Variants in IGSF9 observed in about 807,000 individuals in gnomAD.
IGSF9 encodes immunoglobulin superfamily member 9, also known as protein turtle homolog A.
Under a neutral mutation model 121.7 loss-of-function variants are expected in IGSF9, and 87 were observed. The observed-to-expected ratio is 0.71, with a 90% CI of 0.60 to 0.85. The LOEUF is 0.85. IGSF9 is among the 40% of genes least tolerant of loss of function. The pLI is 0.00. For synonymous variants in IGSF9, 640 were observed against 648.4 expected (o/e 0.99, Z 0.20); for missense variants, 1,462 against 1,565.3 (o/e 0.93, Z 1.11).
intron 17 of IGSF9, 33 bp downstream of exon 17, chr1:159,929,605 C>T (rs1283477382): frequency 3.8e-6 from 6 of 1,576,808 alleles, no homozygotes; most frequent in South Asian, 1.2e-5. Context: ...GGCCCAAGTG[C>T]GCAGTAGCAG....
chr1:159,940,372 G>A (rs755885325), intron 3 of IGSF9, among the ~76,000 whole-genome samples: 2 of 152,222 alleles, frequency 1.3e-5, no homozygotes, highest in Non-Finnish European at 2.9e-5. Flanking sequence ...GACCTGTAGT[G>A]TTACAGAACA....
intron 20 of IGSF9, 49 bp from the exon 21 acceptor site, chr1:159,927,575 G>A: frequency 6.3e-7 from 1 of 1,585,896 alleles, no homozygotes; most frequent in South Asian, 1.1e-5. Flanking sequence ...GGTTCACTGA[G>A]TGAAGAGCTC....
chr1:159,931,595 C>A lies in IGSF9; in HGVS notation c.1371G>T (p.Arg457=). 2 of 1,613,838 alleles carry A rather than the reference C, an allele frequency of 1.2e-6. No homozygotes were observed. The highest frequency in any genetic ancestry group is 1.7e-6 in the Non-Finnish European group (2 of 1,179,948). ...PPVVSWTKVG[R]GLQGQAQVDS... is the part of the protein sequence containing the mutation. ...CCACCTGGGCCTGGCCTTGCAGCCCCCGGCCCACCTACAGAACCACTGGTG... is the reference window on the plus strand; with the variant it reads ...CCACCTGGGCCTGGCCTTGCAGCCCACGGCCCACCTACAGAACCACTGGTG... The change falls in exon 12 of 21, where the codon CGG becomes CGT. Residue 457 remains arginine, a synonymous_variant. Transcript: ENST00000368094. This position sits in a 1 kb window ranked among gnomAD's most constrained non-coding sequence, Gnocchi z 4.8.
At chr1:159,938,708 C>T (rs1043660670) in intron 3 of IGSF9, among the ~76,000 whole-genome samples, 3 of 152,210 alleles carry the variant, frequency 2.0e-5, no homozygotes, top group African/African-American at 7.2e-5. Flanking sequence ...CGACTGTGTA[C>T]TCTTTTGGGC....
At position 159,929,411 on chromosome 1, in the gene IGSF9, T is replaced by C. The variant is rs1438845381; in HGVS notation, c.2327-18A>G. On this transcript the variant is annotated intron_variant, in intron 17 of 20. Coordinates refer to ENST00000368094, the MANE Select transcript of IGSF9 (RefSeq NM_001135050.2). Reference sequence around the variant, plus strand: ...AGGTGGATCTGGAAGGGCATGAGAATAGTAGGTGACACAGGCAAAAATCAA... The same window carrying C: ...AGGTGGATCTGGAAGGGCATGAGAACAGTAGGTGACACAGGCAAAAATCAA... 2 of 1,613,746 alleles carry C rather than the reference T, an allele frequency of 1.2e-6. No individual in the cohort carries two copies. The highest frequency in any genetic ancestry group is 1.1e-5 in the South Asian group (1 of 91,064).
chr1:159,929,674 T>C lies in IGSF9; in HGVS notation c.2290A>G (p.Arg764Gly). Residue 764 changes from arginine (R) to glycine (G), a missense_variant, in exon 17 of 21, where the codon AGG (arginine) becomes GGG (glycine). Arg to Gly is a moderately radical substitution (Grantham distance 125). Transcript: ENST00000368094. ...CGCTTGCGGCGGCGGCGGGCAGCCCTGCGCCGGTTCAGGAGGCAGCCGGCC... is the reference window on the plus strand; with the variant it reads ...CGCTTGCGGCGGCGGCGGGCAGCCCCGCGCCGGTTCAGGAGGCAGCCGGCC... ...ILAGCLLNRR[R>G]AARRRRKRLR... 6.3e-7 allele frequency: 1 copy of C among 1,595,620 alleles called. No individual in the cohort carries two copies. The highest frequency in any genetic ancestry group is 8.5e-7 in the Non-Finnish European group (1 of 1,172,884).
intron 3 of IGSF9, among the ~76,000 whole-genome samples, chr1:159,938,076 C>T (rs1200447972): frequency 6.6e-6 from 1 of 152,054 alleles, no homozygotes; most frequent in East Asian, 1.9e-4. Flanking sequence ...AAAGAGAAAC[C>T]TAGGGGGACA....
At position 159,932,500 on chromosome 1, in the gene IGSF9, C is replaced by T; in HGVS notation, c.1245+12G>A. The T allele has an allele frequency of 6.2e-7, 1 of 1,613,682 alleles. No homozygotes were observed. On this transcript the variant is annotated intron_variant, in intron 10 of 20. Transcript: ENST00000368094. The surrounding 1 kb of genome is among the most constrained non-coding windows in gnomAD (Gnocchi z 4.1). ...ACTGTCACCACAGGCCCCCGCCCAC[C>T]CCCGGCCTAACCTTGAGCAGCACGC...
chr1:159,937,936 A>C, intron 3 of IGSF9, 98 bp from the exon 4 acceptor site: 1 of 1,273,266 alleles, frequency 7.9e-7, no homozygotes, highest in Non-Finnish European at 1.1e-6. Flanking sequence ...GAACAGGCTC[A>C]GTCTCTCCCA....
chr1:159,939,418 G>A (rs955563412), intron 3 of IGSF9, among the ~76,000 whole-genome samples: 2 of 152,120 alleles, frequency 1.3e-5, no homozygotes, highest in African/African-American at 4.8e-5. Flanking sequence ...GAAGAGAGGG[G>A]TCTTGCTATG....
At chr1:159,935,271 C>T (rs867914483) in intron 6 of IGSF9, among the ~76,000 whole-genome samples, 1 of 152,184 alleles carries the variant, frequency 6.6e-6, no homozygotes, top group African/African-American at 2.4e-5. Flanking sequence ...CATACAGAAA[C>T]AGCCCCTTGA....
intron 3 of IGSF9, among the ~76,000 whole-genome samples, chr1:159,940,469 C>T (rs902717633): frequency 1.3e-5 from 2 of 152,218 alleles, no homozygotes; most frequent in South Asian, 2.1e-4. Flanking sequence ...GGGCTAAAGC[C>T]TGTTGACTTC....
Position 159,929,396 on chromosome 1 carries a change from G to A in IGSF9, c.2327-3C>T, listed in dbSNP as rs376882006. Reference sequence around the variant, plus strand: ...CGGAGAGAAGATAAGAGGTGGATCTGGAAGGGCATGAGAATAGTAGGTGAC... The same window carrying A: ...CGGAGAGAAGATAAGAGGTGGATCTAGAAGGGCATGAGAATAGTAGGTGAC... On this transcript the variant is annotated splice_region_variant and splice_polypyrimidine_tract_variant and intron_variant, in intron 17 of 20. Coordinates refer to ENST00000368094, the MANE Select transcript of IGSF9 (RefSeq NM_001135050.2). The A allele has an allele frequency of 3.1e-6, 5 of 1,613,990 alleles. No individual in the cohort carries two copies. The Admixed American group carries it at 5.0e-5, about 16-fold the overall frequency.
Position 159,931,517 on chromosome 1 carries a change from G to A in IGSF9, c.1449C>T (p.His483=), listed in dbSNP as rs1052453379. The part of the protein sequence containing the change: ...LRPLTKEAHG[H]WECSASNAVA... ...CAGCATTGCTGGCACTGCATTCCCA[G>A]TGCCCGTGGGCCTCCTTGGTCAATG... Residue 483 remains histidine, a synonymous_variant, in exon 12 of 21, where the codon CAC becomes CAT. Transcript: ENST00000368094. The surrounding 1 kb of genome is among the most constrained non-coding windows in gnomAD (Gnocchi z 4.8). 1 of 1,614,056 alleles carries A rather than the reference G, an allele frequency of 6.2e-7. No individual in the cohort carries two copies. Among genetic ancestry groups the A allele is most frequent in the African/African-American group, 1.3e-5 (1 of 74,918 alleles).
rs759606981 is a variant in IGSF9, at chr1:159,928,596, AAGGGCAGGCTCAGGTACTGGAGC to A, written c.2769_2791del (p.Gln925ProfsTer13). On this transcript the variant is annotated frameshift_variant, in exon 19 of 21. Transcript: ENST00000368094. LOFTEE classifies it high-confidence loss of function. Reference sequence around the variant, plus strand: ...CCCATCCACATTCATCTCTCGGAAGAAGGGCAGGCTCAGGTACTGGAGCAGGGGTCCAGGACCTGGCAAGGGAC... The same window carrying A: ...CCCATCCACATTCATCTCTCGGAAGAAGGGGTCCAGGACCTGGCAAGGGAC... 2.0e-6 allele frequency: 3 copies of A among 1,508,222 alleles called. No individual in the cohort carries two copies. Among genetic ancestry groups the A allele is most frequent in the Non-Finnish European group, 2.7e-6 (3 of 1,126,734 alleles). The allele number at this position is 1,508,222 out of a possible 1,614,324, so 93.4% of individuals were successfully genotyped here.
rs188609237 is a variant in IGSF9 at position 159,930,973 on chromosome 1, C to G, written c.1638-106G>C. 176 of 1,421,252 alleles carry G rather than the reference C, an allele frequency of 1.2e-4. No individual in the cohort carries two copies. In the East Asian group the frequency reaches 3.7e-3, roughly 30 times the overall value. The allele number at this position is 1,421,252 out of a possible 1,614,324, so 88.0% of individuals were successfully genotyped here. A position where few individuals can be genotyped will look rare whatever the true frequency, so the allele number is the denominator to read the frequency against. Reference sequence around the variant, plus strand: ...CCCTCTGCTCAACCATCCAAGGTCTCAGGACCTTGGCCCTGAATGCCTCAG... The same window carrying G: ...CCCTCTGCTCAACCATCCAAGGTCTGAGGACCTTGGCCCTGAATGCCTCAG... On this transcript the variant is annotated intron_variant, in intron 13 of 20. Transcript: ENST00000368094.
Position 159,937,512 on chromosome 1 carries a change from G to A in IGSF9, c.400+174C>T, listed in dbSNP as rs561003778. ...AACTGAAAAGGGCAGGAGTGTGGGG[G>A]AGGGGTGAGATGCAACTACTAAGTG... On this transcript the variant is annotated intron_variant, in intron 4 of 20. Transcript: ENST00000368094. 1.6e-4 allele frequency among the ~76,000 whole-genome samples: 24 copies of A among 152,168 alleles called. No homozygotes were observed. In the South Asian group the frequency reaches 4.6e-3, roughly 29 times the overall value.
chr1:159,940,746 G>A (rs1299633225), intron 3 of IGSF9, among the ~76,000 whole-genome samples: 2 of 152,218 alleles, frequency 1.3e-5, no homozygotes, highest in Non-Finnish European at 2.9e-5. Flanking sequence ...GCAAGCAGGG[G>A]AGTTCTAAGT....
rs2101885823 is a variant in IGSF9 at position 159,944,450 on chromosome 1, C to T, written c.-174-822G>A. Among the ~76,000 whole-genome samples the T allele has an allele frequency of 2.0e-5, 3 of 152,258 alleles. No homozygotes were observed. In the South Asian group the frequency reaches 6.2e-4, roughly 32 times the overall value. On this transcript the variant is annotated intron_variant, in intron 1 of 20. Coordinates refer to ENST00000368094, the MANE Select transcript of IGSF9 (RefSeq NM_001135050.2). Reference sequence around the variant, plus strand: ...CCTCACGATACTGCCAAGCAGCCCTCCCCCTGCCAGGCACCACCACCCAAG... The same window carrying T: ...CCTCACGATACTGCCAAGCAGCCCTTCCCCTGCCAGGCACCACCACCCAAG...
Sources: allele counts gnomAD v4.1 joint callset (sites outside exome capture counted in the v4.1 genomes callset), GRCh38; gene constraint gnomAD v4.1.1; non-coding constraint Gnocchi (gnomAD v3.1); transcripts MANE v1.5; gene names NCBI Gene and HGNC (gene_info 2026-07-23, HGNC 2026-07-21).